LSP1: variants seen among roughly 807,000 people sequenced by gnomAD.
The protein encoded by LSP1 is lymphocyte specific protein 1.
A neutral mutation model predicts 49.3 loss-of-function variants in LSP1; 32 were observed. The observed-to-expected ratio is 0.65, with a 90% CI of 0.49 to 0.87. The LOEUF (loss-of-function observed/expected upper bound fraction) is 0.87, where lower values mean the gene tolerates loss of function less well. Among genes scored for constraint, LSP1 ranks in the 40% least tolerant of loss-of-function variants. LSP1 has a pLI of 0.00. For missense variants in LSP1, 428 were observed against 442.6 expected (o/e 0.97, Z 0.30); for synonymous variants, 179 against 178.8 (o/e 1.00, Z -0.01).
intron 8 of LSP1, 133 bp downstream of exon 8, chr11:1,886,999 T>C (rs1848781382): frequency 5.0e-6 from 6 of 1,190,706 alleles, no homozygotes; most frequent in Non-Finnish European, 5.8e-6. Flanking sequence ...CCCTGAGGTA[T>C]TGCAGTAGGG....
At chr11:1,881,131 A>G (rs1848520555) in intron 2 of LSP1, 2 of 327,258 alleles carry the variant, frequency 6.1e-6, no homozygotes, top group Admixed American at 9.4e-5. Flanking sequence ...TGAGGGAGGC[A>G]TAGCCCTGCC....
chr11:1,879,877 G>A (rs1193696489), intron 1 of LSP1, among the ~76,000 whole-genome samples: 3 of 152,160 alleles, frequency 2.0e-5, no homozygotes, highest in African/African-American at 7.2e-5. Context: ...CAGGACCCTC[G>A]CCTGGGCCAG....
At chr11:1,856,775 G>A (rs527636867) in intron 1 of LSP1, among the ~76,000 whole-genome samples, 34 of 152,332 alleles carry the variant, frequency 2.2e-4, no homozygotes, top group Admixed American at 2.6e-4. Context: ...CAGCCCTCCC[G>A]CCCACCTGCC....
At chr11:1,887,200 G>T (rs1475289545) in intron 8 of LSP1, 37 bp from the exon 9 acceptor site, 23 of 1,408,674 alleles carry the variant, frequency 1.6e-5, no homozygotes, top group Non-Finnish European at 2.1e-5. Flanking sequence ...AAGATCCAGG[G>T]GTCTGCCCTT....
chr11:1,889,029 A>C (rs1848871203), intron 10 of LSP1: 1 of 573,598 alleles, frequency 1.7e-6, no homozygotes, highest in South Asian at 2.1e-5. Flanking sequence ...CCTGCACCCC[A>C]TGCCCCTTGG....
At chr11:1,867,540 G>A (rs1418224715) in intron 1 of LSP1, among the ~76,000 whole-genome samples, 4 of 152,104 alleles carry the variant, frequency 2.6e-5, no homozygotes, top group African/African-American at 4.8e-5. Context: ...GAAGCTGTGG[G>A]TGAAGAGACT....
At chr11:1,879,935 G>A (rs72843957) in intron 1 of LSP1, 152 bp from the exon 2 acceptor site, 48,325 of 831,044 alleles carry the variant, frequency 0.058, 1,685 homozygotes, top group South Asian at 0.11. Flanking sequence ...AGATGGACAA[G>A]GTGAGGCCTG....
chr11:1,870,265 A>G, intron 1 of LSP1: 1 of 1,303,514 alleles, frequency 7.7e-7, no homozygotes, highest in Non-Finnish European at 1.0e-6. Context: ...TGCAAACAGG[A>G]AAGCTGAGGC....
chr11:1,873,638 T>C (rs934777053), intron 1 of LSP1, among the ~76,000 whole-genome samples: 4 of 139,708 alleles, frequency 2.9e-5, no homozygotes, highest in Non-Finnish European at 6.3e-5. Flanking sequence ...AGGAGAAGAA[T>C]GGAAGGAGGA....
intron 10 of LSP1, chr11:1,889,160 G>T (rs774007969): frequency 3.1e-5 from 21 of 667,656 alleles, no homozygotes; most frequent in Non-Finnish European, 4.4e-5. Flanking sequence ...GGAGCCTCCA[G>T]CCAGTCGCTG....
intron 10 of LSP1, chr11:1,889,788 A>G (rs932547963): frequency 1.7e-5 from 11 of 646,480 alleles, no homozygotes; most frequent in Non-Finnish European, 3.1e-5. Flanking sequence ...GGGCACCACA[A>G]CCCTGGCACT....
chr11:1,868,644 C>T (rs1176797218), intron 1 of LSP1: 2 of 985,392 alleles, frequency 2.0e-6, no homozygotes, highest in Admixed American at 6.1e-5. Flanking sequence ...GCCTGAGATC[C>T]TGAGGGTGGG....
chr11:1,890,828 C>T (rs1848969206), intron 10 of LSP1: 2 of 566,590 alleles, frequency 3.5e-6, no homozygotes, highest in Non-Finnish European at 3.1e-6. Flanking sequence ...CCGAGTCCCT[C>T]CAGGGATGGG....
intron 1 of LSP1, among the ~76,000 whole-genome samples, chr11:1,855,687 C>T (rs1847470939): frequency 6.6e-6 from 1 of 152,236 alleles, no homozygotes; most frequent in Admixed American, 6.5e-5. Context: ...TGCGGTTCCT[C>T]CACTCGGGGG....
At chr11:1,875,799 C>T (rs370789542) in intron 1 of LSP1, among the ~76,000 whole-genome samples, 18 of 152,300 alleles carry the variant, frequency 1.2e-4, no homozygotes, top group Middle Eastern at 3.4e-3. Context: ...AGGCGGACGG[C>T]GCATGCCCCT....
intron 10 of LSP1, chr11:1,888,924 A>G: frequency 2.1e-6 from 1 of 478,764 alleles, no homozygotes; most frequent in South Asian, 3.6e-5. Context: ...ACTGCAGCCC[A>G]GGGGCTCCAG....
At chr11:1,864,115 CAG>C (rs1847713613) in intron 1 of LSP1, 1 of 913,850 alleles carries the variant, frequency 1.1e-6, no homozygotes, top group Non-Finnish European at 1.3e-6. Context: ...GGGAGGGAGA[CAG>C]AGATAGGGAC....
Position 1,889,900 on chromosome 11 carries a change from G to A in LSP1, c.*14-1873G>A, listed in dbSNP as rs758223343. On this transcript the variant is annotated intron_variant, in intron 10 of 10. Transcript: ENST00000311604. ...GCCTGGACTGTGGTGGGCAGTGGGCGGATGTGAGCCACTGGGACCAGGGGC... is the reference window on the plus strand; with the variant it reads ...GCCTGGACTGTGGTGGGCAGTGGGCAGATGTGAGCCACTGGGACCAGGGGC... 104 of 627,148 alleles carry A rather than the reference G, an allele frequency of 1.7e-4. 1 individual carries two copies. Among genetic ancestry groups the A allele is most frequent in the South Asian group, 3.2e-4 (17 of 53,066 alleles). 38.8% of individuals were successfully genotyped at this position (627,148 alleles called of 1,614,324 possible).
At chr11:1,891,276 G>A (rs1848991506) in intron 10 of LSP1, 1 of 152,440 alleles carries the variant, frequency 6.6e-6, no homozygotes, top group South Asian at 2.1e-4. Flanking sequence ...GTGTTTGCAA[G>A]GACATTGACA....
Sources: allele counts gnomAD v4.1 joint callset (sites outside exome capture counted in the v4.1 genomes callset), GRCh38; gene constraint gnomAD v4.1.1; transcripts MANE v1.5; gene names NCBI Gene and HGNC (gene_info 2026-07-23, HGNC 2026-07-21).